EYS: variants seen among roughly 807,000 people sequenced by gnomAD.
EYS encodes protein eyes shut homolog.
In EYS, 250 loss-of-function variants were observed where a neutral mutation model predicts 282.1. The observed-to-expected ratio is 0.89, with a 90% CI of 0.80 to 0.98. The LOEUF (loss-of-function observed/expected upper bound fraction) is 0.98. EYS is among the 50% of genes least tolerant of loss of function. The probability of loss-of-function intolerance (pLI) is 0.00; values close to 1 mark genes in which losing one functional copy is unlikely to be tolerated. For missense variants in EYS, 4,016 were observed against 3,709.0 expected (o/e 1.08, Z -2.15); for synonymous variants, 1,355 against 1,282.9 (o/e 1.06, Z -1.20).
Position 63,762,634 on chromosome 6 carries a change from C to G in EYS, c.7899-1G>C. 1 of 1,549,318 alleles carries G rather than the reference C, an allele frequency of 6.5e-7. No homozygotes were observed. The highest frequency in any genetic ancestry group is 1.2e-5 in the South Asian group (1 of 83,702). On this transcript the variant is annotated splice_acceptor_variant, in intron 40 of 42. Transcript: ENST00000503581. LOFTEE classifies it high-confidence loss of function. ...TTTCCACCCAGTGGTACAATTGCAG[C>G]TGTGGGTTGAGAGAAAGCCGCATGG... is the stretch of plus-strand genomic sequence containing the variant.
chr6:65,498,669 CACTA>C (rs903187252), intron 2 of EYS, among the ~76,000 whole-genome samples: 71 of 151,798 alleles, frequency 4.7e-4, no homozygotes, highest in African/African-American at 1.5e-3. Flanking sequence ...GGAAAAAAAA[CACTA>C]ACACAAAAAC....
chr6:65,002,439 A>G (rs1339397309), intron 13 of EYS, among the ~76,000 whole-genome samples: 4 of 147,710 alleles, frequency 2.7e-5, no homozygotes, highest in African/African-American at 7.3e-5. Context: ...TTAACGTGAT[A>G]TTAGTATCTA....
intron 31 of EYS, among the ~76,000 whole-genome samples, chr6:64,158,248 CACTGAATTA>C (rs1463997042): frequency 6.6e-6 from 1 of 152,130 alleles, no homozygotes; most frequent in Non-Finnish European, 1.5e-5. Context: ...GTCTCTTATT[CACTGAATTA>C]TTTCAAAATT....
intron 1 of EYS, among the ~76,000 whole-genome samples, chr6:65,685,660 T>C (rs1768989403): frequency 6.6e-6 from 1 of 152,056 alleles, no homozygotes; most frequent in African/African-American, 2.4e-5. Context: ...ATATTCTCTT[T>C]TTGTTGTTTT....
intron 2 of EYS, among the ~76,000 whole-genome samples, chr6:65,560,556 C>T (rs761076732): frequency 6.6e-6 from 1 of 151,328 alleles, no homozygotes; most frequent in East Asian, 1.9e-4. Flanking sequence ...AAGACTTTTA[C>T]TCATTGTATA....
At chr6:63,768,121 C>G (rs1309145632) in intron 40 of EYS, among the ~76,000 whole-genome samples, 1 of 151,760 alleles carries the variant, frequency 6.6e-6, no homozygotes, top group South Asian at 2.1e-4. Context: ...CTATAAAAAC[C>G]CTAGAAGAAA....
intron 35 of EYS, among the ~76,000 whole-genome samples, chr6:63,952,100 A>G (rs1765621631): frequency 6.6e-6 from 1 of 152,234 alleles, no homozygotes; most frequent in African/African-American, 2.4e-5. Flanking sequence ...CCGCACCTCC[A>G]GCACACAAGA....
At chr6:65,511,048 A>G (rs756738572) in intron 2 of EYS, among the ~76,000 whole-genome samples, 2 of 152,214 alleles carry the variant, frequency 1.3e-5, no homozygotes, top group Admixed American at 1.3e-4. Flanking sequence ...CCTTAAGGAT[A>G]TATTTGTTTT....
At chr6:65,427,394 T>C (rs1340688679) in intron 5 of EYS, among the ~76,000 whole-genome samples, 2 of 147,074 alleles carry the variant, frequency 1.4e-5, no homozygotes, top group African/African-American at 4.8e-5. Context: ...TTTTTCAAAA[T>C]ACAGATATGC....
intron 19 of EYS, among the ~76,000 whole-genome samples, chr6:64,847,596 A>G (rs1157881152): frequency 6.6e-6 from 1 of 152,022 alleles, no homozygotes; most frequent in African/African-American, 2.4e-5. Flanking sequence ...TTTCCCTGGC[A>G]ACTGCCTGAG....
rs7750968 is a variant in EYS, at chr6:63,737,106, C to T, written c.8072-10426G>A. On this transcript the variant is annotated intron_variant, in intron 41 of 42. Coordinates refer to ENST00000503581, the MANE Select transcript of EYS (RefSeq NM_001142800.2). ...CCTTCTCCTGCCTAATTGCCCTGGC[C>T]AGAACTTCCAACACTATGTTGAATA... Among the ~76,000 whole-genome samples, 1,495 of 150,638 alleles carry T rather than the reference C, an allele frequency of 9.9e-3. 26 individuals carry two copies. Among genetic ancestry groups the T allele is most frequent in the African/African-American group, 0.034 (1,422 of 41,240 alleles).
At chr6:65,569,261 C>T (rs1403462087) in intron 2 of EYS, among the ~76,000 whole-genome samples, 1 of 151,864 alleles carries the variant, frequency 6.6e-6, no homozygotes, top group East Asian at 1.9e-4. Flanking sequence ...CTGTAATTTT[C>T]CTTTACCTAC....
At chr6:63,762,698 T>G (rs1769677166) in intron 40 of EYS, 65 bp from the exon 41 acceptor site, 1 of 1,365,290 alleles carries the variant, frequency 7.3e-7, no homozygotes, top group African/African-American at 1.5e-5. Context: ...TACTATGTAT[T>G]GCCCTGATGC....
intron 5 of EYS, among the ~76,000 whole-genome samples, chr6:65,444,181 C>A (rs1352831898): frequency 1.3e-5 from 2 of 151,920 alleles, no homozygotes; most frequent in Non-Finnish European, 2.9e-5. Flanking sequence ...ACACTAGAGT[C>A]ACTATTCTTC....
chr6:65,044,048 T>G (rs979356897), intron 13 of EYS, among the ~76,000 whole-genome samples: 6 of 151,754 alleles, frequency 4.0e-5, no homozygotes, highest in Non-Finnish European at 8.9e-5. Context: ...TTATTATTTT[T>G]CACCTTTTGA....
At chr6:63,960,453 C>T (rs1276259556) in intron 35 of EYS, among the ~76,000 whole-genome samples, 2 of 152,256 alleles carry the variant, frequency 1.3e-5, no homozygotes, top group East Asian at 1.9e-4. Context: ...GAAATGATGA[C>T]AAAGGATTTA....
intron 22 of EYS, among the ~76,000 whole-genome samples, chr6:64,727,285 CT>C (rs139277381): frequency 0.039 from 5,916 of 152,112 alleles, 399 homozygotes; most frequent in African/African-American, 0.14. Flanking sequence ...CGTAATTATG[CT>C]TTTTTTCAGA....
At chr6:64,437,075 T>C (rs1382506697) in intron 27 of EYS, among the ~76,000 whole-genome samples, 1 of 150,912 alleles carries the variant, frequency 6.6e-6, no homozygotes, top group Admixed American at 6.7e-5. Context: ...AAGATAAAGA[T>C]AATGCTATAT....
chr6:63,833,134 G>A (rs1339973265), intron 36 of EYS, among the ~76,000 whole-genome samples: 1 of 152,136 alleles, frequency 6.6e-6, no homozygotes, highest in Non-Finnish European at 1.5e-5. Context: ...AAAACTGGAA[G>A]CATTCCATAT....
Sources: allele counts gnomAD v4.1 joint callset (sites outside exome capture counted in the v4.1 genomes callset), GRCh38; gene constraint gnomAD v4.1.1; transcripts MANE v1.5; gene names NCBI Gene and HGNC (gene_info 2026-07-23, HGNC 2026-07-21).